Variants in CABIN1 observed in about 807,000 individuals in gnomAD.
CABIN1 encodes calcineurin-binding protein cabin-1.
CABIN1 carries 133 observed loss-of-function variants against 227.7 expected under a neutral mutation model. The ratio of observed to expected loss-of-function variants is 0.58; its 90% CI spans 0.51 to 0.67. The LOEUF (loss-of-function observed/expected upper bound fraction) is 0.67, where lower values mean the gene tolerates loss of function less well. CABIN1 is among the 30% of genes least tolerant of loss of function. The pLI, the probability that CABIN1 is intolerant of heterozygous loss-of-function variation, is 0.00. For missense variants in CABIN1, 2,408 were observed against 2,852.5 expected, an observed-to-expected ratio of 0.84 and a Z score of 3.55; for synonymous variants, 1,086 against 1,155.1, an observed-to-expected ratio of 0.94 and a Z score of 1.21.
chr22:24,027,844 T>A (rs997841609), intron 1 of CABIN1, among the ~76,000 whole-genome samples: 13 of 152,228 alleles, frequency 8.5e-5, no homozygotes, highest in Admixed American at 2.0e-4. Flanking sequence ...ACTGTTTTTT[T>A]ATAAATTACC....
At chr22:24,172,431 G>A (rs552338958) in intron 34 of CABIN1, among the ~76,000 whole-genome samples, 7 of 152,330 alleles carry the variant, frequency 4.6e-5, no homozygotes, top group Non-Finnish European at 7.3e-5. Context: ...ACTGGTATCC[G>A]GCCTCAGTTA....
intron 1 of CABIN1, chr22:24,011,877 G>T (rs1465842862): frequency 6.6e-6 from 1 of 152,224 alleles, no homozygotes; most frequent in African/African-American, 2.4e-5. Flanking sequence ...GCAAGAGGCG[G>T]GCCCTGGCCA....
At chr22:24,155,231 T>C (rs1211181484) in intron 29 of CABIN1, among the ~76,000 whole-genome samples, 4 of 152,126 alleles carry the variant, frequency 2.6e-5, no homozygotes, top group Non-Finnish European at 5.9e-5. Flanking sequence ...ACCAGGGGCA[T>C]TGGCCAGACG....
intron 33 of CABIN1, among the ~76,000 whole-genome samples, chr22:24,168,947 A>C (rs9624411): frequency 0.042 from 6,328 of 152,218 alleles, 245 homozygotes; most frequent in African/African-American, 0.099. Context: ...ACTTGTAGGG[A>C]GCAAGGTGTC....
chr22:24,113,406 G>C (rs2042911248), intron 26 of CABIN1, among the ~76,000 whole-genome samples, 160 bp from the exon 27 acceptor site: 1 of 152,192 alleles, frequency 6.6e-6, no homozygotes. Flanking sequence ...GTGGCCTCTG[G>C]GATGGGTTGG....
Position 24,055,026 on chromosome 22 carries a change from C to G in CABIN1, c.960C>G (p.Asn320Lys), listed in dbSNP as rs1359882966. The G allele has an allele frequency of 1.2e-6, 2 of 1,614,124 alleles. No individual in the cohort carries two copies. The highest frequency in any genetic ancestry group is 2.7e-5 in the African/African-American group (2 of 74,942). The change falls in exon 9 of 37, where the codon AAC (asparagine) becomes AAG (lysine). Residue 320 changes from asparagine to lysine, a missense_variant. Coordinates refer to ENST00000263119, the MANE Select transcript of CABIN1 (RefSeq NM_012295.4). ...LESSMVVTPVNVIQPSTVSTN... is the reference protein window; with the variant it reads ...LESSMVVTPVKVIQPSTVSTN... ...CCTCCATGGTGGTGACGCCAGTTAA[C>G]GTGATCCAGCCAAGCACTGTCAGCA...
intron 29 of CABIN1, among the ~76,000 whole-genome samples, chr22:24,154,301 C>T (rs1191039485): frequency 1.3e-5 from 2 of 152,162 alleles, no homozygotes; most frequent in African/African-American, 2.4e-5. Context: ...GCCCTGTGGA[C>T]AGCCGGGAAG....
At chr22:24,033,441 T>G (rs1225228131) in intron 1 of CABIN1, among the ~76,000 whole-genome samples, 3 of 152,208 alleles carry the variant, frequency 2.0e-5, no homozygotes, top group Non-Finnish European at 4.4e-5. Context: ...TGGGATTACA[T>G]GAGCCACTGT....
At chr22:24,065,329 G>A (rs1334776815) in intron 15 of CABIN1, among the ~76,000 whole-genome samples, 3 of 151,208 alleles carry the variant, frequency 2.0e-5, no homozygotes, top group South Asian at 2.1e-4. Context: ...TCCCAGACGG[G>A]GTCGCGGCCG....
intron 28 of CABIN1, among the ~76,000 whole-genome samples, chr22:24,123,568 G>C (rs118101893): frequency 3.8e-4 from 58 of 152,340 alleles, no homozygotes; most frequent in Non-Finnish European, 5.7e-4. Flanking sequence ...GCTCCCCTGA[G>C]AGCCTGAGTT....
rs747525055 is a variant in CABIN1, at chr22:24,091,739, C to T, written c.3682C>T (p.Leu1228=). 2 of 1,614,058 alleles carry T rather than the reference C, an allele frequency of 1.2e-6. No homozygotes were observed. The highest frequency in any genetic ancestry group is 2.7e-5 in the African/African-American group (2 of 74,948). ...GCAGCAGCCACCCACCGTTTACTTG[C>T]TGCACTACAGGCAGGCTGGCCACTA... ...KQQQPPTVYL[L]HYRQAGHYLH... Residue 1228 remains leucine (L), a synonymous_variant, in exon 24 of 37, where the codon CTG becomes TTG. Coordinates refer to ENST00000263119, the MANE Select transcript of CABIN1 (RefSeq NM_012295.4).
chr22:24,036,436 T>A (rs2036895547), intron 3 of CABIN1, among the ~76,000 whole-genome samples: 1 of 152,180 alleles, frequency 6.6e-6, no homozygotes, highest in Admixed American at 6.5e-5. Context: ...ACCCCATTCT[T>A]TGTGCAGCCC....
chr22:24,116,348 C>A (rs2043087509), intron 27 of CABIN1, among the ~76,000 whole-genome samples: 1 of 152,226 alleles, frequency 6.6e-6, no homozygotes, highest in Non-Finnish European at 1.5e-5. Flanking sequence ...TGACAAGCAC[C>A]TGTTGTGATC....
chr22:24,019,147 T>G (rs2035521714), intron 1 of CABIN1, among the ~76,000 whole-genome samples: 1 of 137,856 alleles, frequency 7.3e-6, no homozygotes, highest in Admixed American at 7.3e-5. Context: ...TTTTTTTTTT[T>G]TGAGAAGGAG....
intron 29 of CABIN1, chr22:24,160,486 A>G (rs1418128754): frequency 1.3e-5 from 2 of 152,278 alleles, no homozygotes; most frequent in East Asian, 1.9e-4. Context: ...CTGTGCCACT[A>G]AAAATGGCCC....
Position 24,070,825 on chromosome 22 carries a change from A to C in CABIN1, c.2258A>C (p.Tyr753Ser), listed in dbSNP as rs756838252. 1.9e-6 allele frequency: 3 copies of C among 1,614,242 alleles called. No individual in the cohort carries two copies. Among genetic ancestry groups the C allele is most frequent in the Non-Finnish European group, 2.5e-6 (3 of 1,180,042 alleles). Residue 753 changes from tyrosine to serine, a missense_variant, in exon 17 of 37, where the codon TAT (tyrosine) becomes TCT (serine). By Grantham distance (144) the Tyr-to-Ser change is moderately radical (BLOSUM62 -2). Transcript: ENST00000263119. Reference sequence around the variant, plus strand: ...GACTCCTTGCTCCGGCTGAAGGACTATCGGCAGTGTTTTGAGTGTTCCGAT... The same window carrying C: ...GACTCCTTGCTCCGGCTGAAGGACTCTCGGCAGTGTTTTGAGTGTTCCGAT... ...LQDSLLRLKDYRQCFECSDVA... is the reference protein window; with the variant it reads ...LQDSLLRLKDSRQCFECSDVA...
intron 24 of CABIN1, 82 bp downstream of exon 24, chr22:24,091,925 T>A: frequency 6.4e-7 from 1 of 1,558,318 alleles, no homozygotes; most frequent in Non-Finnish European, 8.8e-7. Flanking sequence ...TGGCTCAAGG[T>A]TCCAGTGACC....
At position 24,167,148 on chromosome 22, in the gene CABIN1, G is replaced by A. The variant is rs149519868; in HGVS notation, c.5517G>A (p.Pro1839=). The change falls in exon 32 of 37, where the codon CCG becomes CCA. Residue 1839 remains proline, a synonymous_variant. Coordinates refer to ENST00000263119, the MANE Select transcript of CABIN1 (RefSeq NM_012295.4). ...GTRAGGHPEE[P]LSRLSRKRKL... Reference sequence around the variant, plus strand: ...GGGCAGGGGGCCACCCGGAGGAGCCGCTCTCCCGGCTCAGCCGCAAGAGGA... The same window carrying A: ...GGGCAGGGGGCCACCCGGAGGAGCCACTCTCCCGGCTCAGCCGCAAGAGGA... The A allele has an allele frequency of 7.5e-4, 1,193 of 1,600,542 alleles. 2 individuals are homozygous for A. Among genetic ancestry groups the A allele is most frequent in the Non-Finnish European group, 9.4e-4 (1,107 of 1,175,332 alleles).
At chr22:24,103,638 G>T (rs570382155) in intron 26 of CABIN1, among the ~76,000 whole-genome samples, 1 of 152,274 alleles carries the variant, frequency 6.6e-6, no homozygotes, top group African/African-American at 2.4e-5. Flanking sequence ...AGCTCAGTTT[G>T]TTCTGCTTGT....
Sources: gnomAD v4.1 joint callset for allele counts (sites outside exome capture counted in the v4.1 genomes callset) on GRCh38, gnomAD v4.1.1 for gene constraint, MANE v1.5 for transcripts, NCBI Gene and HGNC (gene_info 2026-07-23, HGNC 2026-07-21) for gene names.